MLKL: variants seen among roughly 807,000 people sequenced by gnomAD.
MLKL encodes the protein mixed lineage kinase domain-like protein.
MLKL carries 55 observed loss-of-function variants against 56.5 expected under a neutral mutation model. The ratio of observed to expected loss-of-function variants is 0.97; its 90% CI spans 0.78 to 1.22. MLKL has a LOEUF of 1.22. Ranked by LOEUF, MLKL falls within the 50% of genes most tolerant of loss-of-function variation. The probability of loss-of-function intolerance (pLI) is 0.00; values close to 1 mark genes in which losing one functional copy is unlikely to be tolerated. For synonymous variants in MLKL, 251 were observed against 208.3 expected, an observed-to-expected ratio of 1.20 and a Z score of -1.76; for missense variants, 694 against 573.9, an observed-to-expected ratio of 1.21 and a Z score of -2.14.
intron 6 of MLKL, among the ~76,000 whole-genome samples, chr16:74,679,764 G>A (rs1306561118): frequency 6.6e-6 from 1 of 152,008 alleles, no homozygotes; most frequent in South Asian, 2.1e-4. Flanking sequence ...GCAGTGAGCC[G>A]AGATCACGCC....
intron 1 of MLKL, among the ~76,000 whole-genome samples, chr16:74,700,221 G>A (rs1567625186): frequency 6.6e-6 from 1 of 151,812 alleles, no homozygotes; most frequent in Non-Finnish European, 1.5e-5. Flanking sequence ...TTGTTCCCGT[G>A]CCCCTGCCCT....
In MLKL at chr16:74,675,663, C is replaced by T; in HGVS notation, c.1140G>A (p.Gln380=). The T allele has an allele frequency of 6.2e-7, 1 of 1,614,052 alleles. No homozygotes were observed. The highest frequency in any genetic ancestry group is 8.5e-7 in the Non-Finnish European group (1 of 1,180,016). ...RVKSTAYLSP[Q]ELEDVFYQYD... is the part of the protein sequence containing the mutation. ...ATTGATAAAATACATCTTCCAGTTC[C>T]TGAGGTGAGAGATATGCTGTAGATT... Residue 380 remains glutamine (Q), a synonymous_variant, in exon 8 of 11, where the codon CAG becomes CAA. Transcript: ENST00000308807.
Position 74,675,410 on chromosome 16 carries a change from A to G in MLKL, c.1191-6T>C. The G allele has an allele frequency of 6.2e-7, 1 of 1,613,436 alleles. No homozygotes were observed. The highest frequency in any genetic ancestry group is 8.5e-7 in the Non-Finnish European group (1 of 1,180,018). ...CCCAGAGGACGATTCCAAAGCTAAA[A>G]GAAAACCAAGAAACTGAACAACCAT... is the stretch of plus-strand genomic sequence containing the variant. On this transcript the variant is annotated splice_polypyrimidine_tract_variant and splice_region_variant and intron_variant, in intron 8 of 10. Transcript: ENST00000308807.
At chr16:74,685,451 T>C (rs1248508696) in intron 5 of MLKL, 35 bp downstream of exon 5, 1 of 1,530,602 alleles carries the variant, frequency 6.5e-7, no homozygotes, top group Non-Finnish European at 9.0e-7. Context: ...TTCTAGGCCA[T>C]CCAAAGCTTG....
At chr16:74,688,071 G>A (rs1306186228) in intron 4 of MLKL, among the ~76,000 whole-genome samples, 5 of 152,106 alleles carry the variant, frequency 3.3e-5, no homozygotes, top group East Asian at 1.9e-4. Flanking sequence ...TGATCTGCCC[G>A]CCCTGGCCTC....
chr16:74,681,637 C>CA (rs1286845214), intron 6 of MLKL, among the ~76,000 whole-genome samples: 4 of 151,634 alleles, frequency 2.6e-5, no homozygotes, highest in African/African-American at 4.8e-5. Flanking sequence ...AATAAAAATA[C>CA]AAAAAAATTA....
chr16:74,692,417 C>A lies in MLKL; in HGVS notation c.461-1G>T, dbSNP rs1428365306. 6.2e-7 allele frequency: 1 copy of A among 1,609,104 alleles called. No homozygotes were observed. Among genetic ancestry groups the A allele is most frequent in the South Asian group, 1.1e-5 (1 of 89,760 alleles). ...AGTGAAGCTTCTATTTTTTCATTAT[C>A]TGCAGGAAAAAAGGGCAGTATATGC... On this transcript the variant is annotated splice_acceptor_variant, in intron 2 of 10. Coordinates refer to ENST00000308807, the MANE Select transcript of MLKL (RefSeq NM_152649.4). LOFTEE classifies it high-confidence loss of function.
At position 74,697,653 on chromosome 16, in the gene MLKL, C is replaced by T. The variant is rs576973159; in HGVS notation, c.-2-1894G>A. On this transcript the variant is annotated intron_variant, in intron 1 of 10. Coordinates refer to ENST00000308807, the MANE Select transcript of MLKL (RefSeq NM_152649.4). ...AGGAGTTCCATTCTGGGCAACACAG[C>T]GAGACCCATCTCTACTAAAAATACA... 7.2e-5 allele frequency among the ~76,000 whole-genome samples: 11 copies of T among 152,008 alleles called. No homozygotes were observed. The South Asian group carries it at 1.0e-3, about 14-fold the overall frequency.
At chr16:74,694,555 A>AC (rs1960906292) in intron 2 of MLKL, among the ~76,000 whole-genome samples, 1 of 150,440 alleles carries the variant, frequency 6.6e-6, no homozygotes, top group African/African-American at 2.5e-5. Context: ...ACTTGAGGCC[A>AC]GGAGTTCTAC....
intron 2 of MLKL, among the ~76,000 whole-genome samples, chr16:74,692,794 C>G (rs1312289726): frequency 6.6e-6 from 1 of 152,184 alleles, no homozygotes; most frequent in Non-Finnish European, 1.5e-5. Context: ...TGGAGAGTCC[C>G]CTGGACTTTG....
chr16:74,687,026 A>C (rs893900542), intron 4 of MLKL, among the ~76,000 whole-genome samples: 1 of 152,148 alleles, frequency 6.6e-6, no homozygotes, highest in Non-Finnish European at 1.5e-5. Context: ...GCCCAGGCTG[A>C]GTGCAATGGC....
In MLKL at chr16:74,695,605, C is replaced by A; in HGVS notation, c.153G>T (p.Arg51Ser). 1 of 1,614,226 alleles carries A rather than the reference C, an allele frequency of 6.2e-7. No homozygotes were observed. Among genetic ancestry groups the A allele is most frequent in the Non-Finnish European group, 8.5e-7 (1 of 1,180,052 alleles). Residue 51 changes from arginine (R) to serine (S), a missense_variant, in exon 2 of 11, where the codon AGG becomes AGT. Coordinates refer to ENST00000308807, the MANE Select transcript of MLKL (RefSeq NM_152649.4). ...PLEMLQDQGKRSVPSEKLTTA... is the reference protein window; with the variant it reads ...PLEMLQDQGKSSVPSEKLTTA... ...TGGTTAACTTCTCAGAGGGCACGCT[C>A]CTCTTTCCTTGGTCCTGGAGCATCT...
At position 74,675,753 on chromosome 16, in the gene MLKL, A is replaced by G; in HGVS notation, c.1050T>C (p.Phe350=). The G allele has an allele frequency of 6.2e-7, 1 of 1,614,046 alleles. No individual in the cohort carries two copies. Among genetic ancestry groups the G allele is most frequent in the Non-Finnish European group, 8.5e-7 (1 of 1,180,012 alleles). The change falls in exon 8 of 11, where the codon TTT becomes TTC. Residue 350 remains phenylalanine, a synonymous_variant. Coordinates refer to ENST00000308807, the MANE Select transcript of MLKL (RefSeq NM_152649.4). ...TQGYQVKLAG[F]ELRKTQTSMS... is the part of the protein sequence containing the mutation. ...TGGAAGTCTGTGTTTTCCTCAACTC[A>G]AATCCTGCAAGCTAGATAGAGAGGC...
At chr16:74,693,752 C>A (rs1412032299) in intron 2 of MLKL, among the ~76,000 whole-genome samples, 1 of 151,876 alleles carries the variant, frequency 6.6e-6, no homozygotes, top group African/African-American at 2.4e-5. Context: ...TACAGGCGCC[C>A]ACCACCTCGC....
intron 10 of MLKL, among the ~76,000 whole-genome samples, chr16:74,673,684 G>A (rs371555646): frequency 6.6e-5 from 10 of 151,758 alleles, no homozygotes; most frequent in Non-Finnish European, 1.3e-4. Context: ...CAAGGATGCT[G>A]AAAAAAGGAA....
At chr16:74,675,260 A>T (rs1270882383) in intron 9 of MLKL, 95 bp downstream of exon 9, 1 of 1,587,892 alleles carries the variant, frequency 6.3e-7, no homozygotes, top group Non-Finnish European at 8.6e-7. Context: ...ACATTAAACA[A>T]CAAATTGCCA....
At chr16:74,679,428 T>C (rs1385893036) in intron 6 of MLKL, among the ~76,000 whole-genome samples, 1 of 152,152 alleles carries the variant, frequency 6.6e-6, no homozygotes, top group Non-Finnish European at 1.5e-5. Context: ...CCAGGTTGGG[T>C]TGCACTCATG....
intron 4 of MLKL, among the ~76,000 whole-genome samples, chr16:74,688,059 G>A (rs1334399967): frequency 6.6e-6 from 1 of 152,114 alleles, no homozygotes; most frequent in Non-Finnish European, 1.5e-5. Flanking sequence ...CTCCTGACCT[G>A]GTGATCTGCC....
Position 74,672,557 on chromosome 16 carries a change from A to C in MLKL, c.1382-19T>G. The C allele has an allele frequency of 2.5e-6, 4 of 1,613,318 alleles. No homozygotes were observed. The highest frequency in any genetic ancestry group is 1.3e-5 in the African/African-American group (1 of 75,042). ...AAGATTTCTGTGGATGAATGAACAG[A>C]AAATTAGACCAGGGTAGGCAGCTGA... On this transcript the variant is annotated intron_variant, in intron 10 of 10. Coordinates refer to ENST00000308807, the MANE Select transcript of MLKL (RefSeq NM_152649.4).
Sources: allele counts gnomAD v4.1 joint callset (sites outside exome capture counted in the v4.1 genomes callset), GRCh38; gene constraint gnomAD v4.1.1; transcripts MANE v1.5; gene names NCBI Gene and HGNC (gene_info 2026-07-23, HGNC 2026-07-21).